Variants in TRIP4 observed in about 807,000 individuals in gnomAD.
TRIP4 encodes the protein activating signal cointegrator 1.
TRIP4 carries 54 observed loss-of-function variants against 81.8 expected under a neutral mutation model. That is an observed-to-expected ratio of 0.66 (90% CI 0.53 to 0.83). TRIP4 has a LOEUF of 0.83. TRIP4 is among the 40% of genes least tolerant of loss of function. TRIP4 has a pLI of 0.00. For synonymous variants in TRIP4, 270 were observed against 242.8 expected (o/e 1.11, Z -1.04); for missense variants, 662 against 683.6 (o/e 0.97, Z 0.35).
intron 11 of TRIP4, among the ~76,000 whole-genome samples, chr15:64,438,235 T>G (rs1364899957): frequency 1.3e-5 from 2 of 152,226 alleles, no homozygotes. Flanking sequence ...GGCACAGCCC[T>G]TAACTCAAGA....
chr15:64,420,490 T>C (rs1596349103), intron 9 of TRIP4, among the ~76,000 whole-genome samples: 1 of 152,068 alleles, frequency 6.6e-6, no homozygotes, highest in Non-Finnish European at 1.5e-5. Context: ...TTTTCTTCTT[T>C]CACTTATCAT....
chr15:64,396,821 A>C (rs566704641), intron 3 of TRIP4, among the ~76,000 whole-genome samples: 2 of 152,240 alleles, frequency 1.3e-5, no homozygotes, highest in East Asian at 1.9e-4. Flanking sequence ...TAGAACATGC[A>C]TATGTTCAAC....
At chr15:64,433,232 C>G (rs369470753) in intron 11 of TRIP4, among the ~76,000 whole-genome samples, 1 of 152,158 alleles carries the variant, frequency 6.6e-6, no homozygotes, top group East Asian at 1.9e-4. Flanking sequence ...GTAATGAAAT[C>G]TATCACTTTT....
chr15:64,402,690 A>G (rs1891538230), intron 5 of TRIP4, among the ~76,000 whole-genome samples: 1 of 150,942 alleles, frequency 6.6e-6, no homozygotes, highest in African/African-American at 2.4e-5. Context: ...TGTCCAGCTA[A>G]TTTTTTTGTA....
intron 7 of TRIP4, among the ~76,000 whole-genome samples, chr15:64,411,874 G>T (rs1359522006): frequency 6.6e-6 from 1 of 151,818 alleles, no homozygotes; most frequent in African/African-American, 2.4e-5. Flanking sequence ...GTAGAGACAG[G>T]GTTTCACCGT....
chr15:64,401,527 C>A (rs1045405639), intron 5 of TRIP4, among the ~76,000 whole-genome samples: 31 of 152,138 alleles, frequency 2.0e-4, no homozygotes, highest in Admixed American at 9.2e-4. Context: ...CTGCCTCGGC[C>A]TCCCAAAGCA....
chr15:64,394,604 C>CA (rs71133423), intron 2 of TRIP4, among the ~76,000 whole-genome samples: 7,109 of 51,738 alleles, frequency 0.14, 286 homozygotes, highest in Non-Finnish European at 0.18. Flanking sequence ...GACTCCATCT[C>CA]AAAAAAAAAA....
chr15:64,412,034 A>C (rs141501959), intron 7 of TRIP4, among the ~76,000 whole-genome samples: 1 of 152,204 alleles, frequency 6.6e-6, no homozygotes, highest in African/African-American at 2.4e-5. Flanking sequence ...CAAGATAACA[A>C]TTTCCTTTTC....
chr15:64,392,033 G>T (rs1392451330), intron 1 of TRIP4, among the ~76,000 whole-genome samples: 1 of 149,160 alleles, frequency 6.7e-6, no homozygotes, highest in Non-Finnish European at 1.5e-5. Flanking sequence ...CCAGCACTTT[G>T]GAAGGCTGAG....
intron 11 of TRIP4, among the ~76,000 whole-genome samples, chr15:64,429,363 C>G (rs1892220494): frequency 1.3e-5 from 2 of 152,110 alleles, no homozygotes; most frequent in Non-Finnish European, 2.9e-5. Context: ...GTTGTCTAAT[C>G]TATTATACCA....
intron 12 of TRIP4, among the ~76,000 whole-genome samples, chr15:64,450,273 C>T (rs1892725458): frequency 6.6e-6 from 1 of 151,914 alleles, no homozygotes; most frequent in Non-Finnish European, 1.5e-5. Context: ...CCTGTAGTCC[C>T]AGCTACTCGG....
intron 12 of TRIP4, among the ~76,000 whole-genome samples, chr15:64,451,348 A>G (rs1393069724): frequency 6.6e-6 from 1 of 151,396 alleles, no homozygotes; most frequent in Non-Finnish European, 1.5e-5. Flanking sequence ...CCTGACCTCA[A>G]GTGATTTGCT....
At chr15:64,450,337 C>G (rs1248384883) in intron 12 of TRIP4, among the ~76,000 whole-genome samples, 1 of 139,076 alleles carries the variant, frequency 7.2e-6, no homozygotes, top group Non-Finnish European at 1.5e-5. Context: ...TGCAGTGAGT[C>G]GAGATGGCGC....
At chr15:64,447,002 G>A (rs1404077590) in intron 12 of TRIP4, among the ~76,000 whole-genome samples, 6 of 152,066 alleles carry the variant, frequency 3.9e-5, no homozygotes, top group Non-Finnish European at 8.8e-5. Flanking sequence ...TACTCGGGAG[G>A]CTGAGGCAGG....
intron 5 of TRIP4, among the ~76,000 whole-genome samples, chr15:64,403,409 T>A (rs1345666770): frequency 6.6e-6 from 1 of 152,140 alleles, no homozygotes; most frequent in Admixed American, 6.6e-5. Context: ...TCCACCCGCC[T>A]CGGCCTCCCA....
intron 11 of TRIP4, among the ~76,000 whole-genome samples, chr15:64,435,439 T>A (rs554878149): frequency 1.3e-5 from 2 of 148,232 alleles, no homozygotes; most frequent in East Asian, 2.0e-4. Context: ...GGCAGGAGAA[T>A]CCTTGGAACC....
intron 11 of TRIP4, among the ~76,000 whole-genome samples, chr15:64,436,763 CTTTTTTTT>C (rs71133433): frequency 3.7e-4 from 8 of 21,420 alleles, no homozygotes; most frequent in African/African-American, 1.1e-3. Flanking sequence ...CCATCTATGC[CTTTTTTTT>C]TTTTTTTTTT....
At chr15:64,437,248 G>C (rs922820592) in intron 11 of TRIP4, among the ~76,000 whole-genome samples, 1 of 105,568 alleles carries the variant, frequency 9.5e-6, no homozygotes, top group African/African-American at 3.6e-5. Flanking sequence ...GTGAAACCCT[G>C]TGTCTACTAA....
chr15:64,411,222 A>T (rs1337077980), intron 7 of TRIP4, among the ~76,000 whole-genome samples: 1 of 152,232 alleles, frequency 6.6e-6, no homozygotes, highest in African/African-American at 2.4e-5. Context: ...GTATGTAGTT[A>T]TAATGGTAAA....
Sources: allele counts gnomAD v4.1 joint callset (sites outside exome capture counted in the v4.1 genomes callset), GRCh38; gene constraint gnomAD v4.1.1; transcripts MANE v1.5; gene names NCBI Gene and HGNC (gene_info 2026-07-23, HGNC 2026-07-21).